RHBDD1: variants seen among roughly 807,000 people sequenced by gnomAD.
The protein encoded by RHBDD1 is rhomboid-related protein 4.
In RHBDD1, 38 loss-of-function variants were observed where a neutral mutation model predicts 36.3. That is an observed-to-expected ratio of 1.05 (90% CI 0.81 to 1.37). RHBDD1 has a LOEUF of 1.37. RHBDD1 is among the 40% of genes most tolerant of loss of function. The probability of loss-of-function intolerance (pLI) is 0.00; values close to 1 mark genes in which losing one functional copy is unlikely to be tolerated. For synonymous variants in RHBDD1, 151 were observed against 136.5 expected (o/e 1.11, Z -0.74); for missense variants, 393 against 377.6 (o/e 1.04, Z -0.34).
Position 226,904,427 on chromosome 2 carries a change from G to GGGC in RHBDD1, c.567-2364_567-2363insCGG, listed in dbSNP as rs1559252754. 1.5e-4 allele frequency among the ~76,000 whole-genome samples: 14 copies of GGGC among 90,830 alleles called. 1 individual carries two copies. The highest frequency in any genetic ancestry group is 3.4e-4 in the Admixed American group (3 of 8,816). The allele number at this position is 90,830 out of a possible 152,430, so 59.6% of individuals were successfully genotyped here. A position where few individuals can be genotyped will look rare whatever the true frequency, so the allele number is the denominator to read the frequency against. On this transcript the variant is annotated intron_variant, in intron 5 of 8. Coordinates refer to ENST00000392062, the MANE Select transcript of RHBDD1 (RefSeq NM_001167608.3). ...ACATCCTGCAAGCGGGGGGGGAGGGGGGTCAGGGAACTCCTGTTTCAGTAG... is the reference window on the plus strand; with the variant it reads ...ACATCCTGCAAGCGGGGGGGGAGGGGGGCGGTCAGGGAACTCCTGTTTCAGTAG...
chr2:226,871,699 C>T (rs567764741), intron 5 of RHBDD1, among the ~76,000 whole-genome samples: 103 of 152,262 alleles, frequency 6.8e-4, no homozygotes, highest in African/African-American at 2.3e-3. Flanking sequence ...TCCCTCTATC[C>T]GTTGCATTTC....
At chr2:226,986,561 C>T (rs1377031100) in intron 8 of RHBDD1, among the ~76,000 whole-genome samples, 1 of 152,088 alleles carries the variant, frequency 6.6e-6, no homozygotes, top group Non-Finnish European at 1.5e-5. Context: ...ATTTATGTGG[C>T]CAAGAAGCAT....
At chr2:226,921,493 C>T (rs1312656637) in intron 8 of RHBDD1, among the ~76,000 whole-genome samples, 2 of 152,014 alleles carry the variant, frequency 1.3e-5, no homozygotes, top group Non-Finnish European at 2.9e-5. Context: ...CCTCTTAGTC[C>T]TGCTTTCACT....
At chr2:226,829,333 A>G in the RHBDD1 span, among the ~76,000 whole-genome samples, 2 of 152,176 alleles carry the variant, frequency 1.3e-5, no homozygotes, top group Non-Finnish European at 2.9e-5. Flanking sequence ...TTCTTTTTCA[A>G]AACTGTTTTG....
intron 8 of RHBDD1, among the ~76,000 whole-genome samples, chr2:226,935,797 C>G (rs970834609): frequency 6.6e-6 from 1 of 152,056 alleles, no homozygotes; most frequent in Non-Finnish European, 1.5e-5. Flanking sequence ...GATGAAAGAT[C>G]TCTGAAAGAT....
intron 3 of RHBDD1, among the ~76,000 whole-genome samples, chr2:226,851,076 A>G (rs780323558): frequency 2.0e-5 from 3 of 152,118 alleles, no homozygotes; most frequent in Non-Finnish European, 4.4e-5. Context: ...CTCTGAGCCT[A>G]ATAACTCTGC....
chr2:226,851,425 G>A (rs1177744555), intron 3 of RHBDD1, among the ~76,000 whole-genome samples: 5 of 152,044 alleles, frequency 3.3e-5, no homozygotes, highest in African/African-American at 4.8e-5. Flanking sequence ...CAGTTGTTCA[G>A]GAGGTTGATG....
intron 8 of RHBDD1, among the ~76,000 whole-genome samples, chr2:226,927,200 G>A (rs1949719467): frequency 6.6e-6 from 1 of 152,096 alleles, no homozygotes; most frequent in Non-Finnish European, 1.5e-5. Flanking sequence ...AAATCACACA[G>A]TATTTAGCTT....
At chr2:226,800,484 C>T in the RHBDD1 span, among the ~76,000 whole-genome samples, 1 of 152,086 alleles carries the variant, frequency 6.6e-6, no homozygotes, top group African/African-American at 2.4e-5. Flanking sequence ...ACAGGGATCC[C>T]CAGGAAGTGT....
At chr2:226,825,465 T>C in the RHBDD1 span, among the ~76,000 whole-genome samples, 2 of 152,266 alleles carry the variant, frequency 1.3e-5, no homozygotes, top group Admixed American at 1.3e-4. Flanking sequence ...AAAATACTCA[T>C]AATGAGTTAA....
intron 8 of RHBDD1, among the ~76,000 whole-genome samples, chr2:226,961,540 G>A (rs1452547976): frequency 8.2e-6 from 1 of 122,608 alleles, no homozygotes; most frequent in South Asian, 2.9e-4. Context: ...TACATTTCAT[G>A]CATTTTTTTT....
chr2:226,818,223 G>A, the RHBDD1 span, among the ~76,000 whole-genome samples: 4 of 144,736 alleles, frequency 2.8e-5, no homozygotes, highest in Non-Finnish European at 4.5e-5. Flanking sequence ...GCAGTGGCGC[G>A]GTCTCAGCTC....
intron 3 of RHBDD1, among the ~76,000 whole-genome samples, chr2:226,859,505 A>C (rs572493645): frequency 1.3e-5 from 2 of 152,186 alleles, no homozygotes; most frequent in Non-Finnish European, 2.9e-5. Context: ...CCTGGAACCA[A>C]TCTTCCATGG....
chr2:226,977,352 C>T (rs543068670), intron 8 of RHBDD1, among the ~76,000 whole-genome samples: 1 of 152,282 alleles, frequency 6.6e-6, no homozygotes, highest in Non-Finnish European at 1.5e-5. Context: ...GCCTTGTCTG[C>T]CCCACTGAGT....
chr2:226,937,540 A>G (rs1162130347), intron 8 of RHBDD1, among the ~76,000 whole-genome samples: 3 of 152,102 alleles, frequency 2.0e-5, no homozygotes, highest in African/African-American at 7.2e-5. Context: ...TTTACCACCC[A>G]GGTATTAAGC....
intron 8 of RHBDD1, chr2:226,988,787 C>A: frequency 1.2e-6 from 1 of 826,190 alleles, no homozygotes; most frequent in Non-Finnish European, 1.5e-6. Flanking sequence ...AAACTGTTCT[C>A]TATTTTAGAA....
chr2:226,859,728 T>A (rs959908322), intron 3 of RHBDD1, among the ~76,000 whole-genome samples: 8 of 152,182 alleles, frequency 5.3e-5, no homozygotes, highest in Non-Finnish European at 1.0e-4. Flanking sequence ...GAGCTTGAGA[T>A]GAGACCATAG....
At chr2:226,831,482 C>T (rs1940739909), upstream of RHBDD1, among the ~76,000 whole-genome samples, 1 of 152,102 alleles carries the variant, frequency 6.6e-6, no homozygotes, top group South Asian at 2.1e-4. Context: ...GGGAACAGCA[C>T]ATGTGGAGAT....
chr2:226,983,540 G>T (rs1956255075), intron 8 of RHBDD1, among the ~76,000 whole-genome samples: 1 of 152,178 alleles, frequency 6.6e-6, no homozygotes, highest in Non-Finnish European at 1.5e-5. Context: ...ACCTAAACTT[G>T]ACCACTCGGG....
Sources: gnomAD v4.1 joint callset for allele counts (sites outside exome capture counted in the v4.1 genomes callset) on GRCh38, gnomAD v4.1.1 for gene constraint, MANE v1.5 for transcripts, NCBI Gene and HGNC (gene_info 2026-07-23, HGNC 2026-07-21) for gene names.